CAMKMT: variants seen among roughly 807,000 people sequenced by gnomAD.
CAMKMT encodes CaM KMT.
CAMKMT carries 53 observed loss-of-function variants against 48.0 expected under a neutral mutation model. That is an observed-to-expected ratio of 1.10 (90% CI 0.89 to 1.39). The LOEUF (loss-of-function observed/expected upper bound fraction) is 1.39. Ranked by LOEUF, CAMKMT falls within the 40% of genes most tolerant of loss-of-function variation. CAMKMT has a pLI of 0.00. For missense variants in CAMKMT, 428 were observed against 402.7 expected, an observed-to-expected ratio of 1.06 and a Z score of -0.54; for synonymous variants, 165 against 152.3, an observed-to-expected ratio of 1.08 and a Z score of -0.61.
At chr2:44,738,503 C>G (rs776970060) in intron 7 of CAMKMT, among the ~76,000 whole-genome samples, 1 of 152,168 alleles carries the variant, frequency 6.6e-6, no homozygotes, top group Non-Finnish European at 1.5e-5. Context: ...ATAGAAACCT[C>G]TATTTCTTGA....
intron 3 of CAMKMT, among the ~76,000 whole-genome samples, chr2:44,419,652 C>T (rs1367739253): frequency 1.3e-5 from 2 of 152,184 alleles, no homozygotes; most frequent in Non-Finnish European, 2.9e-5. Flanking sequence ...CAGTCATCAC[C>T]GTAACCCTGA....
chr2:44,727,488 T>C (rs1289286624), intron 7 of CAMKMT, among the ~76,000 whole-genome samples: 1 of 152,236 alleles, frequency 6.6e-6, no homozygotes, highest in Non-Finnish European at 1.5e-5. Flanking sequence ...TTTACTAAAG[T>C]CATTTATCAA....
At chr2:44,405,919 C>T (rs928056784) in intron 3 of CAMKMT, among the ~76,000 whole-genome samples, 14 of 152,090 alleles carry the variant, frequency 9.2e-5, no homozygotes, top group African/African-American at 2.4e-4. Context: ...TATATTAATT[C>T]AGTATTCTCC....
At chr2:44,404,208 G>A (rs1383734191) in intron 3 of CAMKMT, among the ~76,000 whole-genome samples, 1 of 152,014 alleles carries the variant, frequency 6.6e-6, no homozygotes, top group Non-Finnish European at 1.5e-5. Context: ...CACACTTTAA[G>A]TAAATAAATT....
At chr2:44,702,449 C>T (rs551815369) in intron 3 of CAMKMT, among the ~76,000 whole-genome samples, 6 of 152,180 alleles carry the variant, frequency 3.9e-5, no homozygotes, top group African/African-American at 7.2e-5. Flanking sequence ...TGTTAGGAAC[C>T]ATTCTAAACA....
intron 4 of CAMKMT, 57 bp from the exon 5 acceptor site, chr2:44,706,230 C>G: frequency 6.4e-7 from 1 of 1,573,770 alleles, no homozygotes; most frequent in South Asian, 1.1e-5. Context: ...ATATATCTCT[C>G]TCTGACCATT....
chr2:44,462,435 A>AT (rs1558634019), intron 3 of CAMKMT, among the ~76,000 whole-genome samples: 1 of 151,786 alleles, frequency 6.6e-6, no homozygotes, highest in African/African-American at 2.4e-5. Context: ...AAACTTGGAA[A>AT]TTTTTTTTCA....
intron 3 of CAMKMT, among the ~76,000 whole-genome samples, chr2:44,594,234 G>C (rs1670505424): frequency 6.6e-6 from 1 of 152,080 alleles, no homozygotes; most frequent in African/African-American, 2.4e-5. Context: ...TGGCCATACT[G>C]CCCGAAGTAA....
chr2:44,572,976 T>C (rs1395503328), intron 3 of CAMKMT, among the ~76,000 whole-genome samples: 1 of 152,226 alleles, frequency 6.6e-6, no homozygotes, highest in Non-Finnish European at 1.5e-5. Context: ...AATGTTAATC[T>C]TTTCATGTGC....
At chr2:44,409,946 T>G (rs1009649025) in intron 3 of CAMKMT, among the ~76,000 whole-genome samples, 4 of 151,936 alleles carry the variant, frequency 2.6e-5, no homozygotes, top group Non-Finnish European at 4.4e-5. Flanking sequence ...TGGTTTAGAG[T>G]TTAATGAAAT....
intron 3 of CAMKMT, among the ~76,000 whole-genome samples, chr2:44,443,929 A>G (rs1483347736): frequency 6.6e-6 from 1 of 152,206 alleles, no homozygotes; most frequent in Non-Finnish European, 1.5e-5. Context: ...ATAAAGAAAA[A>G]GTGCAAAGGC....
intron 3 of CAMKMT, among the ~76,000 whole-genome samples, chr2:44,606,816 C>CG (rs913312400): frequency 2.0e-5 from 3 of 151,420 alleles, no homozygotes; most frequent in Non-Finnish European, 4.4e-5. Flanking sequence ...TGACCCCCCC[C>CG]CCACCAAGAT....
chr2:44,417,691 C>T (rs1683652531), intron 3 of CAMKMT, among the ~76,000 whole-genome samples: 1 of 152,160 alleles, frequency 6.6e-6, no homozygotes. Context: ...ATGAGAGTTC[C>T]AGTTGCTTCA....
intron 3 of CAMKMT, among the ~76,000 whole-genome samples, chr2:44,523,280 C>G (rs1329493912): frequency 6.7e-6 from 1 of 149,802 alleles, no homozygotes; most frequent in Non-Finnish European, 1.5e-5. Context: ...CTGCTGGGGT[C>G]AAGGGGACCC....
chr2:44,549,064 G>A (rs1667559794), intron 3 of CAMKMT, among the ~76,000 whole-genome samples: 1 of 152,020 alleles, frequency 6.6e-6, no homozygotes, highest in African/African-American at 2.4e-5. Flanking sequence ...TTCCACATTT[G>A]TTTCCTCCGA....
At chr2:44,579,197 T>C (rs766125400) in intron 3 of CAMKMT, among the ~76,000 whole-genome samples, 4 of 151,896 alleles carry the variant, frequency 2.6e-5, no homozygotes, top group African/African-American at 9.7e-5. Flanking sequence ...AAGGTTGTGG[T>C]ACCCACATAT....
intron 3 of CAMKMT, among the ~76,000 whole-genome samples, chr2:44,519,393 T>C (rs1670988046): frequency 6.6e-6 from 1 of 152,222 alleles, no homozygotes; most frequent in African/African-American, 2.4e-5. Flanking sequence ...CCAAAACAAG[T>C]TTCCAGGTCA....
At chr2:44,641,997 T>C (rs734016) in intron 3 of CAMKMT, among the ~76,000 whole-genome samples, 90,073 of 152,048 alleles carry the variant, frequency 0.59, 27,596 homozygotes, top group Admixed American at 0.68. Context: ...ATCCTGAAAT[T>C]TGGGTGAAAG....
intron 3 of CAMKMT, among the ~76,000 whole-genome samples, chr2:44,546,435 T>C (rs1286149048): frequency 1.3e-5 from 2 of 152,150 alleles, no homozygotes; most frequent in Admixed American, 1.3e-4. Context: ...ACTTGATCTG[T>C]TTCACGTTTT....
Sources: gnomAD v4.1 joint callset for allele counts (sites outside exome capture counted in the v4.1 genomes callset) on GRCh38, gnomAD v4.1.1 for gene constraint, MANE v1.5 for transcripts, NCBI Gene and HGNC (gene_info 2026-07-23, HGNC 2026-07-21) for gene names.